MYO16: variants seen among roughly 807,000 people sequenced by gnomAD.
MYO16 encodes unconventional myosin-XVI.
Under a neutral mutation model 205.3 loss-of-function variants are expected in MYO16, and 94 were observed. The ratio of observed to expected loss-of-function variants is 0.46; its 90% CI spans 0.39 to 0.54. MYO16 has a LOEUF of 0.54. Among genes scored for constraint, MYO16 ranks in the 20% least tolerant of loss-of-function variants. The probability of loss-of-function intolerance (pLI) is 0.00; values close to 1 mark genes in which losing one functional copy is unlikely to be tolerated. For synonymous variants in MYO16, 988 were observed against 954.0 expected, an observed-to-expected ratio of 1.04 and a Z score of -0.66; for missense variants, 2,315 against 2,387.5, an observed-to-expected ratio of 0.97 and a Z score of 0.63.
chr13:108,858,526 C>T (rs1429819432), intron 11 of MYO16, among the ~76,000 whole-genome samples: 1 of 152,124 alleles, frequency 6.6e-6, no homozygotes, highest in Non-Finnish European at 1.5e-5. Flanking sequence ...CTTCCACACC[C>T]CACATCTGAT....
chr13:109,203,997 C>G (rs562808569), intron 34 of MYO16, among the ~76,000 whole-genome samples: 1 of 152,182 alleles, frequency 6.6e-6, no homozygotes, highest in Non-Finnish European at 1.5e-5. Context: ...CTCTCTGGAT[C>G]TGGGGAAATG....
chr13:108,725,028 A>C (rs957348399), intron 3 of MYO16, among the ~76,000 whole-genome samples: 2 of 152,088 alleles, frequency 1.3e-5, no homozygotes, highest in African/African-American at 4.8e-5. Flanking sequence ...TATTTTGTTT[A>C]ATTTATGTTG....
At chr13:108,662,716 A>C (rs1306452464) in intron 1 of MYO16, among the ~76,000 whole-genome samples, 1 of 152,148 alleles carries the variant, frequency 6.6e-6, no homozygotes, top group Non-Finnish European at 1.5e-5. Context: ...CTGCAAGAGA[A>C]AAGGGCTTTA....
intron 27 of MYO16, among the ~76,000 whole-genome samples, chr13:109,062,690 G>A (rs1016809751): frequency 2.0e-5 from 3 of 152,046 alleles, no homozygotes; most frequent in African/African-American, 7.2e-5. Flanking sequence ...AAGAATTTAA[G>A]TAACATACAA....
intron 12 of MYO16, among the ~76,000 whole-genome samples, chr13:108,881,377 C>T (rs141997651): frequency 1.4e-4 from 21 of 152,136 alleles, no homozygotes; most frequent in East Asian, 1.9e-4. Flanking sequence ...AAAATCAGAG[C>T]GCTTCTTCTC....
intron 29 of MYO16, among the ~76,000 whole-genome samples, chr13:109,121,018 C>T (rs532362499): frequency 2.6e-5 from 4 of 152,110 alleles, no homozygotes; most frequent in African/African-American, 7.2e-5. Flanking sequence ...CACTGCACAG[C>T]AACCTGGGTG....
chr13:108,526,341 C>T, the MYO16 span, among the ~76,000 whole-genome samples: 4 of 152,068 alleles, frequency 2.6e-5, no homozygotes, highest in Non-Finnish European at 5.9e-5. Context: ...TTAGAAGTCA[C>T]CATATATGCC....
At chr13:108,973,242 A>G (rs970509158) in intron 20 of MYO16, among the ~76,000 whole-genome samples, 2 of 152,140 alleles carry the variant, frequency 1.3e-5, no homozygotes, top group Admixed American at 1.3e-4. Flanking sequence ...TTCTCAAACT[A>G]TTAAATCTTC....
At chr13:108,807,142 G>T (rs1278163039) in intron 7 of MYO16, among the ~76,000 whole-genome samples, 4 of 151,880 alleles carry the variant, frequency 2.6e-5, no homozygotes, top group Non-Finnish European at 4.4e-5. Context: ...TGTTTTCTAC[G>T]GCAAATATTT....
chr13:108,940,795 TG>T (rs1395658254), intron 16 of MYO16, among the ~76,000 whole-genome samples: 4 of 152,206 alleles, frequency 2.6e-5, no homozygotes, highest in Non-Finnish European at 5.9e-5. Context: ...TGGTATTCTC[TG>T]GAAGTGCAGA....
chr13:108,882,926 A>T, intron 12 of MYO16, 133 bp from the exon 13 acceptor site: 1 of 1,266,454 alleles, frequency 7.9e-7, no homozygotes, highest in Non-Finnish European at 1.1e-6. Flanking sequence ...AAATGTTTTT[A>T]CATACCAATG....
At chr13:109,013,451 C>A (rs1334307490) in intron 22 of MYO16, among the ~76,000 whole-genome samples, 1 of 152,124 alleles carries the variant, frequency 6.6e-6, no homozygotes, top group Non-Finnish European at 1.5e-5. Context: ...TTTATACTAG[C>A]ATGGTTTATA....
At chr13:108,838,135 A>C (rs1877024997) in intron 9 of MYO16, among the ~76,000 whole-genome samples, 1 of 152,226 alleles carries the variant, frequency 6.6e-6, no homozygotes, top group African/African-American at 2.4e-5. Flanking sequence ...CCTCAGCTCC[A>C]GTAGCACCTG....
At chr13:108,601,359 C>T (rs1394729956) in intron 1 of MYO16, among the ~76,000 whole-genome samples, 1 of 151,940 alleles carries the variant, frequency 6.6e-6, no homozygotes, top group Non-Finnish European at 1.5e-5. Flanking sequence ...TAGGTTCCAT[C>T]CCAATAGATA....
chr13:109,123,509 G>A (rs749405458), intron 29 of MYO16, among the ~76,000 whole-genome samples: 8 of 151,544 alleles, frequency 5.3e-5, no homozygotes, highest in East Asian at 1.9e-4. Context: ...TGCCTTTTTC[G>A]CGCTCAAGGT....
chr13:108,689,163 C>A (rs551687037), intron 2 of MYO16, among the ~76,000 whole-genome samples: 1 of 151,964 alleles, frequency 6.6e-6, no homozygotes, highest in Non-Finnish European at 1.5e-5. Flanking sequence ...GATATGACAA[C>A]AATTTGCTTT....
At chr13:108,785,851 G>T (rs562909436) in intron 5 of MYO16, 108 bp downstream of exon 5, 7 of 687,820 alleles carry the variant, frequency 1.0e-5, no homozygotes, top group Non-Finnish European at 1.5e-5. Flanking sequence ...TGTAGTTTCC[G>T]CACGTGGTGT....
intron 21 of MYO16, among the ~76,000 whole-genome samples, chr13:108,997,297 A>G (rs1230397183): frequency 2.1e-4 from 1 of 4,696 alleles, no homozygotes; most frequent in Non-Finnish European, 1.5e-3. Flanking sequence ...ATGCAGAAAG[A>G]AAGAAAGAAA....
intron 4 of MYO16, among the ~76,000 whole-genome samples, chr13:108,775,515 T>TG (rs1294569295): frequency 4.7e-5 from 6 of 127,988 alleles, no homozygotes; most frequent in South Asian, 5.3e-4. Context: ...AATGGAGTTT[T>TG]GGTTTTTTTT....
Sources: gnomAD v4.1 joint callset for allele counts (sites outside exome capture counted in the v4.1 genomes callset) on GRCh38, gnomAD v4.1.1 for gene constraint, MANE v1.5 for transcripts, NCBI Gene and HGNC (gene_info 2026-07-23, HGNC 2026-07-21) for gene names.